The following CA10 variants were observed in gnomAD, a reference collection of about 807,000 sequenced individuals.
CA10 encodes the protein carbonic anhydrase 10 (inactive), also known as carbonic anhydrase-related protein 10.
Under a neutral mutation model 44.2 loss-of-function variants are expected in CA10, and 14 were observed. That is an observed-to-expected ratio of 0.32 (90% CI 0.21 to 0.50). The LOEUF is 0.50. CA10 is among the 20% of genes least tolerant of loss of function. The probability of loss-of-function intolerance (pLI) is 0.99; values close to 1 mark genes in which losing one functional copy is unlikely to be tolerated. For missense variants in CA10, 350 were observed against 409.7 expected, an observed-to-expected ratio of 0.85 and a Z score of 1.26; for synonymous variants, 159 against 141.6, an observed-to-expected ratio of 1.12 and a Z score of -0.87.
chr17:51,756,863 G>A lies in CA10; in HGVS notation c.280-9045C>T, dbSNP rs553481938. Among the ~76,000 whole-genome samples, 5 of 152,216 alleles carry A rather than the reference G, an allele frequency of 3.3e-5. No homozygotes were observed. In the South Asian group the frequency reaches 1.0e-3, roughly 32 times the overall value. ...ATGTCTGCATGGATATGCCAGGTTG[G>A]GTTTAATGTATCCAGACCTGGTCTA... On this transcript the variant is annotated intron_variant, in intron 3 of 8. Coordinates refer to ENST00000451037, the MANE Select transcript of CA10 (RefSeq NM_020178.5).
chr17:52,076,774 C>A (rs985440543), intron 1 of CA10, among the ~76,000 whole-genome samples: 1 of 152,146 alleles, frequency 6.6e-6, no homozygotes, highest in East Asian at 1.9e-4. Context: ...TTTAACGCCT[C>A]CCACCAGATC....
At chr17:51,737,558 T>A (rs1385077907) in intron 4 of CA10, among the ~76,000 whole-genome samples, 1 of 152,092 alleles carries the variant, frequency 6.6e-6, no homozygotes, top group African/African-American at 2.4e-5. Context: ...ACCAGCACAA[T>A]TAGCTCCATC....
Position 51,674,763 on chromosome 17 carries a change from G to A in CA10, c.466-21027C>T, listed in dbSNP as rs115934242. 6.4e-3 allele frequency among the ~76,000 whole-genome samples: 972 copies of A among 152,148 alleles called. 9 individuals are homozygous for A. Among genetic ancestry groups the A allele is most frequent in the African/African-American group, 0.022 (900 of 41,480 alleles). On this transcript the variant is annotated intron_variant, in intron 4 of 8. Coordinates refer to ENST00000451037, the MANE Select transcript of CA10 (RefSeq NM_020178.5). ...TCACTTAACATTTTATCACGTGGCC[G>A]TGGACTCAGGATTGAAGTCAGTTAA...
At chr17:51,806,230 GGGA>G (rs1222591887) in intron 3 of CA10, among the ~76,000 whole-genome samples, 2 of 152,172 alleles carry the variant, frequency 1.3e-5, no homozygotes, top group African/African-American at 4.8e-5. Context: ...CTATATTAGA[GGGA>G]GGAGAAAGAG....
At chr17:51,907,683 G>T (rs1981616450) in intron 3 of CA10, among the ~76,000 whole-genome samples, 1 of 152,044 alleles carries the variant, frequency 6.6e-6, no homozygotes, top group South Asian at 2.1e-4. Context: ...CTATACACCT[G>T]TCTAAAGATG....
chr17:52,041,563 T>G (rs1179231630), intron 2 of CA10, among the ~76,000 whole-genome samples: 1 of 152,170 alleles, frequency 6.6e-6, no homozygotes, highest in African/African-American at 2.4e-5. Flanking sequence ...TTATCTCACA[T>G]AATTACATTT....
At chr17:52,149,759 G>C (rs752539099) in intron 1 of CA10, among the ~76,000 whole-genome samples, 17 of 152,092 alleles carry the variant, frequency 1.1e-4, no homozygotes, top group Admixed American at 5.2e-4. Flanking sequence ...ATCTATATCT[G>C]GGTTATTCCA....
chr17:51,924,784 C>CGGGAGG (rs1982359613), intron 3 of CA10, among the ~76,000 whole-genome samples: 1 of 152,168 alleles, frequency 6.6e-6, no homozygotes, highest in Non-Finnish European at 1.5e-5. Flanking sequence ...TCACCCCTTC[C>CGGGAGG]AGACCTGGGG....
chr17:51,948,412 T>C lies in CA10; in HGVS notation c.137-17280A>G, dbSNP rs1983363578. ...CTTCAGATTTACCCTCCCATATTCC[T>C]AGAACAAGACTCATCATAACCCCTT... On this transcript the variant is annotated intron_variant, in intron 2 of 8. Coordinates refer to ENST00000451037, the MANE Select transcript of CA10 (RefSeq NM_020178.5). Among the ~76,000 whole-genome samples the C allele has an allele frequency of 2.0e-5, 3 of 152,102 alleles. No individual in the cohort carries two copies. In the South Asian group the frequency reaches 6.2e-4, roughly 32 times the overall value.
At chr17:52,101,011 T>C (rs1182382053) in intron 1 of CA10, among the ~76,000 whole-genome samples, 1 of 152,228 alleles carries the variant, frequency 6.6e-6, no homozygotes, top group Non-Finnish European at 1.5e-5. Flanking sequence ...TACTCTTTTT[T>C]GGTTCTAAGT....
chr17:51,913,594 T>C (rs1287263320), intron 3 of CA10, among the ~76,000 whole-genome samples: 1 of 152,122 alleles, frequency 6.6e-6, no homozygotes, highest in African/African-American at 2.4e-5. Flanking sequence ...ACCACTGTCA[T>C]GATGGGAGTA....
intron 3 of CA10, among the ~76,000 whole-genome samples, chr17:51,832,940 G>C (rs946329799): frequency 2.6e-5 from 4 of 152,134 alleles, no homozygotes; most frequent in Non-Finnish European, 5.9e-5. Context: ...AATGGAGGCA[G>C]GGAAGTATGG....
At chr17:51,950,083 T>A (rs1331874850) in intron 2 of CA10, among the ~76,000 whole-genome samples, 1 of 152,144 alleles carries the variant, frequency 6.6e-6, no homozygotes, top group African/African-American at 2.4e-5. Flanking sequence ...TCAGTTGTAG[T>A]CACACTGACC....
At chr17:52,019,561 T>C (rs978327563) in intron 2 of CA10, among the ~76,000 whole-genome samples, 1 of 152,078 alleles carries the variant, frequency 6.6e-6, no homozygotes, top group Non-Finnish European at 1.5e-5. Flanking sequence ...CTTTATAATT[T>C]TTTTTACTAT....
chr17:52,117,749 A>C (rs1205348897), intron 1 of CA10, among the ~76,000 whole-genome samples: 1 of 152,262 alleles, frequency 6.6e-6, no homozygotes, highest in East Asian at 1.9e-4. Context: ...GGATTTACAT[A>C]CAAGGTGTGT....
At chr17:52,114,680 G>A (rs1257687959) in intron 1 of CA10, among the ~76,000 whole-genome samples, 1 of 152,138 alleles carries the variant, frequency 6.6e-6, no homozygotes, top group East Asian at 1.9e-4. Flanking sequence ...TACAAATGGA[G>A]CTATAACAAG....
chr17:51,724,807 C>G (rs980602659), intron 4 of CA10, among the ~76,000 whole-genome samples: 3 of 152,156 alleles, frequency 2.0e-5, no homozygotes, highest in Non-Finnish European at 2.9e-5. Flanking sequence ...TCCTTCCATG[C>G]AATTCCCCTC....
Position 51,657,684 on chromosome 17 carries a change from A to C in CA10, c.466-3948T>G, listed in dbSNP as rs118120244. Among the ~76,000 whole-genome samples, 756 of 152,326 alleles carry C rather than the reference A, an allele frequency of 5.0e-3. 7 individuals are homozygous for C. The highest frequency in any genetic ancestry group is 0.041 in the South Asian group (197 of 4,822). ...ATAAAGTCTGAATTTTGAATAATTT[A>C]GATGGGCCCTAAGCTATACCTTAAC... On this transcript the variant is annotated intron_variant, in intron 4 of 8. Transcript: ENST00000451037.
intron 1 of CA10, among the ~76,000 whole-genome samples, chr17:52,118,637 G>A (rs1988948691): frequency 6.6e-6 from 1 of 151,944 alleles, no homozygotes; most frequent in Non-Finnish European, 1.5e-5. Context: ...ATCTTCTTCA[G>A]GTTATAATTT....
Sources: gnomAD v4.1 joint callset for allele counts (sites outside exome capture counted in the v4.1 genomes callset) on GRCh38, gnomAD v4.1.1 for gene constraint, MANE v1.5 for transcripts, NCBI Gene and HGNC (gene_info 2026-07-23, HGNC 2026-07-21) for gene names.